Variants in SLC2A5 observed in about 807,000 individuals in gnomAD.
The protein encoded by SLC2A5 is solute carrier family 2, facilitated glucose transporter member 5.
In SLC2A5, 56 loss-of-function variants were observed where a neutral mutation model predicts 50.3. That is an observed-to-expected ratio of 1.11 (90% CI 0.90 to 1.39). The LOEUF is 1.39. Ranked by LOEUF, SLC2A5 falls within the 40% of genes most tolerant of loss-of-function variation. The probability of loss-of-function intolerance (pLI) is 0.00; values close to 1 mark genes in which losing one functional copy is unlikely to be tolerated. For missense variants in SLC2A5, 566 were observed against 650.1 expected (o/e 0.87, Z 1.41); for synonymous variants, 269 against 281.9 (o/e 0.95, Z 0.46).
At chr1:9,081,261 G>GAAAAAAAAAAAAAAAAAAACC (rs869191087) in intron 2 of SLC2A5, among the ~76,000 whole-genome samples, 1 of 25,552 alleles carries the variant, frequency 3.9e-5, no homozygotes, top group Non-Finnish European at 7.7e-5. Flanking sequence ...CCTTGTTTCA[G>GAAAAAAAAAAAAAAAAAAACC]AAAAAAAAAA....
rs375363857 is a variant in SLC2A5 at position 9,068,244 on chromosome 1, C to T, written c.33+1260G>A. On this transcript the variant is annotated intron_variant, in intron 1 of 11. Coordinates refer to ENST00000377424, the MANE Select transcript of SLC2A5 (RefSeq NM_003039.3). The stretch of plus-strand genomic sequence containing the variant: ...AGAGAAAGAAAAGTAGTAACATTTA[C>T]GGGGAACTCACTCTGTGCCAGGTAC... Among the ~76,000 whole-genome samples the T allele has an allele frequency of 3.0e-4, 43 of 145,594 alleles. 1 individual carries two copies. Among genetic ancestry groups the T allele is most frequent in the African/African-American group, 1.0e-3 (39 of 39,008 alleles).
intron 2 of SLC2A5, among the ~76,000 whole-genome samples, chr1:9,074,729 T>G (rs1359962916): frequency 1.3e-5 from 2 of 152,150 alleles, no homozygotes; most frequent in African/African-American, 4.8e-5. Context: ...TGCAGGGCTC[T>G]GGGCTGGTTT....
chr1:9,078,797 C>T (rs997626469), intron 2 of SLC2A5, among the ~76,000 whole-genome samples: 14 of 152,074 alleles, frequency 9.2e-5, no homozygotes, highest in Non-Finnish European at 7.4e-5. Flanking sequence ...TTCCCACTCA[C>T]GTCTCTCTGG....
intron 4 of SLC2A5, among the ~76,000 whole-genome samples, chr1:9,044,695 C>T (rs1163059773): frequency 2.0e-5 from 3 of 152,132 alleles, no homozygotes; most frequent in African/African-American, 4.8e-5. Flanking sequence ...GCTGGGATTA[C>T]AGACCTACTC....
At chr1:9,073,259 C>T (rs1227076144), upstream of SLC2A5, 7 of 152,276 alleles carry the variant, frequency 4.6e-5, no homozygotes, top group Admixed American at 1.3e-4. Context: ...TGGTCAGTGC[C>T]TCTTCTGTAG....
At chr1:9,046,892 G>A (rs1641449119) in intron 4 of SLC2A5, among the ~76,000 whole-genome samples, 3 of 152,052 alleles carry the variant, frequency 2.0e-5, no homozygotes, top group Admixed American at 2.0e-4. Flanking sequence ...GGAGGTGATT[G>A]GATTATAAGG....
chr1:9,050,134 G>A (rs1423693733), intron 3 of SLC2A5, among the ~76,000 whole-genome samples: 2 of 151,938 alleles, frequency 1.3e-5, no homozygotes, highest in East Asian at 1.9e-4. Flanking sequence ...AAAATTAGCC[G>A]GGTATGGTGG....
chr1:9,068,927 C>T (rs1029914230), intron 1 of SLC2A5, among the ~76,000 whole-genome samples: 1 of 152,166 alleles, frequency 6.6e-6, no homozygotes, highest in Non-Finnish European at 1.5e-5. Context: ...GCATTTTCCT[C>T]AATCAAGGGA....
rs1641168837 is a variant in SLC2A5 at position 9,037,714 on chromosome 1, C to T, written c.1378G>A (p.Val460Ile). 6.2e-7 allele frequency: 1 copy of T among 1,614,054 alleles called. No homozygotes were observed. Among genetic ancestry groups the T allele is most frequent in the Admixed American group, 1.7e-5 (1 of 60,004 alleles). Residue 460 changes from valine (V) to isoleucine (I), a missense_variant, in exon 12 of 12, where the codon GTC becomes ATC. Physicochemically the swap from Val to Ile is conservative, Grantham distance 29. Transcript: ENST00000377424. Reference sequence around the variant, plus strand: ...AACGTCTTGGCCTTGGTCTCCGGGACAATCAAGAAGATGTAGATGGTGGTG... The same window carrying T: ...AACGTCTTGGCCTTGGTCTCCGGGATAATCAAGAAGATGTAGATGGTGGTG... The part of the protein sequence containing the change: ...LLTTIYIFLI[V>I]PETKAKTFIE...
chr1:9,078,264 G>A (rs944616837), intron 2 of SLC2A5, among the ~76,000 whole-genome samples: 3 of 152,252 alleles, frequency 2.0e-5, no homozygotes, highest in East Asian at 1.9e-4. Context: ...TCTTGGTTTC[G>A]GTGGGTTTTT....
intron 4 of SLC2A5, among the ~76,000 whole-genome samples, chr1:9,044,713 C>T (rs934417169): frequency 1.3e-5 from 2 of 152,090 alleles, no homozygotes; most frequent in Non-Finnish European, 2.9e-5. Context: ...CTCCACCATG[C>T]CCAGCTAATT....
At chr1:9,057,292 T>TAAA (rs760221358) in intron 3 of SLC2A5, among the ~76,000 whole-genome samples, 156 bp downstream of exon 3, 14 of 103,420 alleles carry the variant, frequency 1.4e-4, no homozygotes, top group African/African-American at 2.6e-4. Flanking sequence ...TCTCAAAAAT[T>TAAA]AAAAAAAAAA....
rs1240449064 is a variant in SLC2A5, at chr1:9,082,965, C to A, written c.-59+2049G>T. On this transcript the variant is annotated intron_variant, in intron 2 of 5. Coordinates refer to the SLC2A5 transcript ENST00000464985. Reference sequence around the variant, plus strand: ...AGTGACAGCTAATAGGCACCTTTTCCTTTTGGGGTGAAGAAATAGATGAAG... The same window carrying A: ...AGTGACAGCTAATAGGCACCTTTTCATTTTGGGGTGAAGAAATAGATGAAG... 4.6e-5 allele frequency: 8 copies of A among 173,638 alleles called. No individual in the cohort carries two copies. In the East Asian group the frequency reaches 1.5e-3, roughly 32 times the overall value. 10.8% of individuals were successfully genotyped at this position (173,638 alleles called of 1,614,324 possible).
chr1:9,076,947 G>A (rs774547370), intron 2 of SLC2A5, among the ~76,000 whole-genome samples: 1 of 151,686 alleles, frequency 6.6e-6, no homozygotes, highest in Non-Finnish European at 1.5e-5. Flanking sequence ...CTGCCACCAC[G>A]CATGGCTAAT....
chr1:9,046,202 G>T (rs920203672), intron 4 of SLC2A5, among the ~76,000 whole-genome samples: 1 of 152,154 alleles, frequency 6.6e-6, no homozygotes, highest in Non-Finnish European at 1.5e-5. Context: ...GGCCCACTCT[G>T]CACCTGTAGG....
chr1:9,041,649 C>T, intron 5 of SLC2A5, 136 bp downstream of exon 5: 1 of 1,536,026 alleles, frequency 6.5e-7, no homozygotes, highest in Non-Finnish European at 8.8e-7. Flanking sequence ...GGATGGGCCC[C>T]CCAAGGACAT....
rs1557659575 is a variant in SLC2A5, at chr1:9,037,703, G to C, written c.1389C>G (p.Thr463=). ...TGATCTCTATGAACGTCTTGGCCTTGGTCTCCGGGACAATCAAGAAGATGT... is the reference window on the plus strand; with the variant it reads ...TGATCTCTATGAACGTCTTGGCCTTCGTCTCCGGGACAATCAAGAAGATGT... ...TIYIFLIVPE[T]KAKTFIEINQ... The change falls in exon 12 of 12, where the codon ACC becomes ACG. Residue 463 remains threonine, a synonymous_variant. Transcript: ENST00000377424. 6.2e-7 allele frequency: 1 copy of C among 1,614,172 alleles called. No homozygotes were observed. Among genetic ancestry groups the C allele is most frequent in the Middle Eastern group, 1.6e-4 (1 of 6,062 alleles).
intron 4 of SLC2A5, among the ~76,000 whole-genome samples, chr1:9,046,975 TTCTCTCTCTC>T (rs149740983): frequency 1.3e-5 from 2 of 148,530 alleles, no homozygotes; most frequent in East Asian, 2.0e-4. Flanking sequence ...GCAGTTTCCC[TTCTCTCTCTC>T]TCTCTCTCTC....
chr1:9,071,850 G>T (rs1428498066), upstream of SLC2A5: 1 of 145,334 alleles, frequency 6.9e-6, no homozygotes, highest in African/African-American at 2.4e-5. Flanking sequence ...TGCGGGCTCC[G>T]GGTGGGTCCT....
Sources: allele counts gnomAD v4.1 joint callset (sites outside exome capture counted in the v4.1 genomes callset), GRCh38; gene constraint gnomAD v4.1.1; transcripts MANE v1.5; gene names NCBI Gene and HGNC (gene_info 2026-07-23, HGNC 2026-07-21).